Variants in ZFAND3 observed in about 807,000 individuals in gnomAD.
The protein encoded by ZFAND3 is zinc finger AN1-type containing 3, also known as AN1-type zinc finger protein 3.
A neutral mutation model predicts 29.6 loss-of-function variants in ZFAND3; 10 were observed. The observed-to-expected ratio is 0.34, with a 90% confidence interval of 0.21 to 0.57. The LOEUF (loss-of-function observed/expected upper bound fraction) is 0.57. Among genes scored for constraint, ZFAND3 ranks in the 20% least tolerant of loss-of-function variants. The pLI is 0.86. For synonymous variants in ZFAND3, 128 were observed against 112.6 expected, an observed-to-expected ratio of 1.14 and a Z score of -0.87; for missense variants, 230 against 304.5, an observed-to-expected ratio of 0.76 and a Z score of 1.82.
chr6:38,057,948 C>T (rs180964667), intron 2 of ZFAND3, among the ~76,000 whole-genome samples: 1 of 152,086 alleles, frequency 6.6e-6, no homozygotes, highest in South Asian at 2.1e-4. Flanking sequence ...ACACCATCAC[C>T]CTGTGCAGGT....
intron 1 of ZFAND3, among the ~76,000 whole-genome samples, chr6:37,908,169 A>C (rs1411172216): frequency 3.9e-5 from 6 of 152,194 alleles, no homozygotes; most frequent in Non-Finnish European, 8.8e-5. Context: ...GGTTTGGAAG[A>C]ATACAAGCCT....
chr6:37,976,182 A>G (rs1762474497), intron 2 of ZFAND3, among the ~76,000 whole-genome samples: 1 of 152,138 alleles, frequency 6.6e-6, no homozygotes, highest in South Asian at 2.1e-4. Flanking sequence ...TCATATATTG[A>G]TTTTGTATCT....
At chr6:38,026,283 C>T (rs1356414404) in intron 2 of ZFAND3, among the ~76,000 whole-genome samples, 1 of 152,166 alleles carries the variant, frequency 6.6e-6, no homozygotes, top group South Asian at 2.1e-4. Flanking sequence ...CAGAACTACT[C>T]CTTCTTTTGC....
intron 2 of ZFAND3, among the ~76,000 whole-genome samples, chr6:37,971,083 ATTCCT>A (rs1762379726): frequency 6.6e-6 from 1 of 152,230 alleles, no homozygotes; most frequent in Non-Finnish European, 1.5e-5. Context: ...ATTTGAGCAT[ATTCCT>A]TTCAACATCA....
chr6:38,096,329 C>T (rs766108809), intron 4 of ZFAND3, among the ~76,000 whole-genome samples: 6 of 152,260 alleles, frequency 3.9e-5, no homozygotes, highest in Middle Eastern at 6.8e-3. Flanking sequence ...CCTGCCACCA[C>T]ATCGGGCTAA....
intron 3 of ZFAND3, among the ~76,000 whole-genome samples, chr6:38,079,112 T>G (rs1465967908): frequency 2.0e-5 from 3 of 152,168 alleles, no homozygotes. Context: ...GACAGCGCAA[T>G]TAGTGTAGAA....
intron 2 of ZFAND3, among the ~76,000 whole-genome samples, chr6:38,015,316 T>C (rs1439208217): frequency 1.3e-5 from 2 of 152,212 alleles, no homozygotes; most frequent in Non-Finnish European, 2.9e-5. Context: ...AAAATTAAAA[T>C]GTCTGGCACT....
chr6:37,844,851 A>G lies in ZFAND3; in HGVS notation c.71+24835A>G, dbSNP rs969871473. On this transcript the variant is annotated intron_variant, in intron 1 of 5. Coordinates refer to ENST00000287218, the MANE Select transcript of ZFAND3 (RefSeq NM_021943.3). ...AACACGGTGAAACTCCGTCTCTACT[A>G]AAAAAAAAAAAAAATACAAAAAATT... Among the ~76,000 whole-genome samples, 15 of 135,490 alleles carry G rather than the reference A, an allele frequency of 1.1e-4. No homozygotes were observed. In the East Asian group the frequency reaches 1.9e-3, roughly 17 times the overall value. 88.9% of individuals were successfully genotyped at this position (135,490 alleles called of 152,430 possible).
intron 2 of ZFAND3, among the ~76,000 whole-genome samples, chr6:37,959,567 A>G (rs1049217331): frequency 2.0e-5 from 3 of 152,188 alleles, no homozygotes; most frequent in Non-Finnish European, 2.9e-5. Flanking sequence ...CATATTATGT[A>G]TAGAAATGGT....
intron 1 of ZFAND3, among the ~76,000 whole-genome samples, chr6:37,896,572 C>CTTTTCTTTCTT (rs58677123): frequency 3.8e-4 from 8 of 21,288 alleles, no homozygotes; most frequent in African/African-American, 1.1e-3. Context: ...CTTTCTTTCT[C>CTTTTCTTTCTT]TCTTTCTCTC....
chr6:37,997,402 C>T (rs1471687649), intron 2 of ZFAND3, among the ~76,000 whole-genome samples: 1 of 152,110 alleles, frequency 6.6e-6, no homozygotes, highest in East Asian at 1.9e-4. Flanking sequence ...GGTTAAGGAA[C>T]ACCTGTTGAC....
chr6:38,041,631 T>TTCTTCTTCTTCTTC (rs1561976605), intron 2 of ZFAND3, among the ~76,000 whole-genome samples: 5 of 56,248 alleles, frequency 8.9e-5, no homozygotes, highest in Admixed American at 3.3e-4. Flanking sequence ...TTATCTACTT[T>TTCTTCTTCTTCTTC]TTCTTCTTCT....
intron 2 of ZFAND3, among the ~76,000 whole-genome samples, chr6:38,018,479 G>A (rs1763289028): frequency 6.6e-6 from 1 of 151,980 alleles, no homozygotes; most frequent in Non-Finnish European, 1.5e-5. Flanking sequence ...TTTTTAAAAG[G>A]TATAAGGGTA....
intron 2 of ZFAND3, among the ~76,000 whole-genome samples, chr6:37,980,585 A>G (rs974276601): frequency 2.0e-5 from 3 of 152,112 alleles, no homozygotes; most frequent in East Asian, 1.9e-4. Context: ...GGTGAGGACA[A>G]TTCTCTTCTT....
chr6:37,887,015 C>T (rs1248241951), intron 1 of ZFAND3, among the ~76,000 whole-genome samples: 2 of 151,764 alleles, frequency 1.3e-5, no homozygotes, highest in Non-Finnish European at 2.9e-5. Flanking sequence ...AAAAAAAGAA[C>T]CAAAAACTGT....
chr6:37,837,381 G>T (rs939803375), intron 1 of ZFAND3, among the ~76,000 whole-genome samples: 1 of 152,052 alleles, frequency 6.6e-6, no homozygotes, highest in Non-Finnish European at 1.5e-5. Context: ...GTGATTTTCT[G>T]TAAACATTCT....
In ZFAND3 at chr6:38,118,878, G is replaced by A. The variant is rs1309242744; in HGVS notation, c.529+2139G>A. 1.3e-5 allele frequency among the ~76,000 whole-genome samples: 2 copies of A among 152,078 alleles called. 1 individual carries two copies. The highest frequency in any genetic ancestry group is 6.3e-3 in the Middle Eastern group (2 of 316). On this transcript the variant is annotated intron_variant, in intron 5 of 5. Transcript: ENST00000287218. Reference sequence around the variant, plus strand: ...CTCTGCCATGCTCTTAACCTTTGTGGGCAGGAGGCTGGATTGCTAAATGCA... The same window carrying A: ...CTCTGCCATGCTCTTAACCTTTGTGAGCAGGAGGCTGGATTGCTAAATGCA...
At chr6:37,865,855 G>T (rs530923881) in intron 1 of ZFAND3, among the ~76,000 whole-genome samples, 1 of 152,258 alleles carries the variant, frequency 6.6e-6, no homozygotes, top group South Asian at 2.1e-4. Flanking sequence ...GTGCAAAAGT[G>T]CAAAAACTTC....
chr6:37,951,083 C>T (rs543188295), intron 2 of ZFAND3, among the ~76,000 whole-genome samples: 1 of 152,074 alleles, frequency 6.6e-6, no homozygotes, highest in African/African-American at 2.4e-5. Flanking sequence ...GATCTTTCAC[C>T]TCCCTGGTTA....
Sources: gnomAD v4.1 joint callset for allele counts (sites outside exome capture counted in the v4.1 genomes callset) on GRCh38, gnomAD v4.1.1 for gene constraint, MANE v1.5 for transcripts, NCBI Gene and HGNC (gene_info 2026-07-23, HGNC 2026-07-21) for gene names.